ATP8B2: variants seen among roughly 807,000 people sequenced by gnomAD.
ATP8B2 encodes the protein phospholipid-transporting ATPase ID.
A neutral mutation model predicts 133.4 loss-of-function variants in ATP8B2; 70 were observed. The observed-to-expected ratio is 0.52, with a 90% CI of 0.43 to 0.64. The LOEUF (loss-of-function observed/expected upper bound fraction) is 0.64. Ranked by LOEUF, ATP8B2 falls within the 30% of genes least tolerant of loss-of-function variation. ATP8B2 has a pLI of 0.00. For synonymous variants in ATP8B2, 517 were observed against 589.5 expected (o/e 0.88, Z 1.78); for missense variants, 1,101 against 1,535.7 (o/e 0.72, Z 4.73).
In ATP8B2 at chr1:154,334,134, A is replaced by G; in HGVS notation, c.617A>G (p.Asn206Ser). The G allele has an allele frequency of 6.2e-7, 1 of 1,614,200 alleles. No individual in the cohort carries two copies. The highest frequency in any genetic ancestry group is 8.5e-7 in the Non-Finnish European group (1 of 1,180,046). The change falls in exon 10 of 28, where the codon AAC becomes AGC. Residue 206 changes from asparagine to serine, a missense_variant. Coordinates refer to ENST00000368489, the MANE Select transcript of ATP8B2 (RefSeq NM_001370597.1). The surrounding 1 kb of genome is among the most constrained non-coding windows in gnomAD (Gnocchi z 4.6). Reference sequence around the variant, plus strand: ...GAAGTGATCTGTGAACCTCCCAACAACAAACTGGACAAATTCAGCGGAACC... The same window carrying G: ...GAAGTGATCTGTGAACCTCCCAACAGCAAACTGGACAAATTCAGCGGAACC... ...DGEVICEPPNNKLDKFSGTLY... is the reference protein window; with the variant it reads ...DGEVICEPPNSKLDKFSGTLY...
At position 154,344,735 on chromosome 1, in the gene ATP8B2, C is replaced by G. The variant is rs1200083098; in HGVS notation, c.2236C>G (p.Leu746Val). The G allele has an allele frequency of 6.2e-7, 1 of 1,610,562 alleles. No individual in the cohort carries two copies. Among genetic ancestry groups the G allele is most frequent in the Non-Finnish European group, 8.5e-7 (1 of 1,176,990 alleles). ...KLSSSKLTSVLEAVAGEYALV... is the reference protein window; with the variant it reads ...KLSSSKLTSVVEAVAGEYALV... ...TTCTTCTTCCAAGCTAACTTCTGTC[C>G]TGGAGGCCGTTGCTGGGGAGTACGC... Residue 746 changes from leucine to valine, a missense_variant, in exon 21 of 28, where the codon CTG (leucine) becomes GTG (valine). Physicochemically the swap from Leu to Val is conservative, Grantham distance 32. Transcript: ENST00000368489. The surrounding 1 kb of genome is among the most constrained non-coding windows in gnomAD (Gnocchi z 4.1).
chr1:154,344,227 A>G lies in ATP8B2; in HGVS notation c.2008A>G (p.Ile670Val). Reference sequence around the variant, plus strand: ...CCTCCTGACACTGGCCAACATCAAGATTTGGGTGCTAACCGGAGACAAGCA... The same window carrying G: ...CCTCCTGACACTGGCCAACATCAAGGTTTGGGTGCTAACCGGAGACAAGCA... ...IALLTLANIK[I>V]WVLTGDKQET... Residue 670 changes from isoleucine to valine, a missense_variant, in exon 19 of 28, where the codon ATT (isoleucine) becomes GTT (valine). Coordinates refer to ENST00000368489, the MANE Select transcript of ATP8B2 (RefSeq NM_001370597.1). This position sits in a 1 kb window ranked among gnomAD's most constrained non-coding sequence, Gnocchi z 4.1. The G allele has an allele frequency of 1.2e-6, 2 of 1,614,158 alleles. No individual in the cohort carries two copies. Among genetic ancestry groups the G allele is most frequent in the African/African-American group, 2.7e-5 (2 of 75,028 alleles).
chr1:154,330,923 C>T lies in ATP8B2; in HGVS notation c.199C>T (p.Leu67=). Reference sequence around the variant, plus strand: ...CACTTACTTCCTGTTCCTCCTCATTCTGCAGGTAGGTGACCCATAGTAGAT... The same window carrying T: ...CACTTACTTCCTGTTCCTCCTCATTTTGCAGGTAGGTGACCCATAGTAGAT... The part of the protein sequence containing the change: ...ANTYFLFLLI[L]QLIPQISSLS... The change falls in exon 4 of 28, where the codon CTG becomes TTG. Residue 67 remains leucine, a synonymous_variant. Coordinates refer to ENST00000368489, the MANE Select transcript of ATP8B2 (RefSeq NM_001370597.1). 1 of 1,613,278 alleles carries T rather than the reference C, an allele frequency of 6.2e-7. No homozygotes were observed. Among genetic ancestry groups the T allele is most frequent in the Non-Finnish European group, 8.5e-7 (1 of 1,179,222 alleles).
chr1:154,337,501 A>G lies in ATP8B2; in HGVS notation c.991A>G (p.Ile331Val), dbSNP rs372156866. 6 of 1,614,024 alleles carry G rather than the reference A, an allele frequency of 3.7e-6. No individual in the cohort carries two copies. The African/African-American group carries it at 8.0e-5, about 22-fold the overall frequency. The stretch of plus-strand genomic sequence containing the variant: ...TGGCTTCCTCTCCTTCTGGTCCTAC[A>G]TCATCATCCTCAACACCGTTGTGCC... Reference protein sequence around the residue: ...FSGFLSFWSYIIILNTVVPIS... With the variant: ...FSGFLSFWSYVIILNTVVPIS... Residue 331 changes from isoleucine (I) to valine (V), a missense_variant, in exon 12 of 28, where the codon ATC becomes GTC. Ile to Val is a conservative substitution (Grantham distance 29, BLOSUM62 3). Coordinates refer to ENST00000368489, the MANE Select transcript of ATP8B2 (RefSeq NM_001370597.1).
Position 154,346,418 on chromosome 1 carries a change from A to T in ATP8B2, c.2966A>T (p.Asp989Val). The change falls in exon 25 of 28, where the codon GAC (aspartate) becomes GTC (valine). Residue 989 changes from aspartate (D) to valine (V), a missense_variant. Asp to Val is a radical substitution (Grantham distance 152, BLOSUM62 -3). Coordinates refer to ENST00000368489, the MANE Select transcript of ATP8B2 (RefSeq NM_001370597.1). This position sits in a 1 kb window ranked among gnomAD's most constrained non-coding sequence, Gnocchi z 4.5. ...ATRDDGTQLA[D>V]YQSFAVTVAT... ...CGGGATGATGGCACTCAGCTGGCTG[A>T]CTACCAGTCCTTTGCAGTCACTGTG... 1 of 1,614,142 alleles carries T rather than the reference A, an allele frequency of 6.2e-7. No homozygotes were observed. The highest frequency in any genetic ancestry group is 8.5e-7 in the Non-Finnish European group (1 of 1,180,022).
In ATP8B2 at chr1:154,344,130, G is replaced by C; in HGVS notation, c.1924-13G>C. On this transcript the variant is annotated splice_polypyrimidine_tract_variant and intron_variant, in intron 18 of 27. Transcript: ENST00000368489. The surrounding 1 kb of genome is among the most constrained non-coding windows in gnomAD (Gnocchi z 4.1). ...TGCAATTCTTGTGCCAGGAATCCTTGTGGTATTTTCAGCTGCTGGGTGCAA... is the reference window on the plus strand; with the variant it reads ...TGCAATTCTTGTGCCAGGAATCCTTCTGGTATTTTCAGCTGCTGGGTGCAA... 1 of 1,614,232 alleles carries C rather than the reference G, an allele frequency of 6.2e-7. No individual in the cohort carries two copies. Among genetic ancestry groups the C allele is most frequent in the Non-Finnish European group, 8.5e-7 (1 of 1,180,042 alleles).
Position 154,331,763 on chromosome 1 carries a change from C to T in ATP8B2, c.438+85C>T. 2.7e-6 allele frequency: 4 copies of T among 1,454,598 alleles called. No individual in the cohort carries two copies. The highest frequency in any genetic ancestry group is 1.1e-5 in the South Asian group (1 of 87,752). The allele number at this position is 1,454,598 out of a possible 1,614,324, so 90.1% of individuals were successfully genotyped here. A position where few individuals can be genotyped will look rare whatever the true frequency, so the allele number is the denominator to read the frequency against. On this transcript the variant is annotated intron_variant, in intron 7 of 27. Transcript: ENST00000368489. This position sits in a 1 kb window ranked among gnomAD's most constrained non-coding sequence, Gnocchi z 4.8. Reference sequence around the variant, plus strand: ...ATGAATCTTTCCTGATTTACTGTTGCCTCTTAAACACCCGTGGCAGGAATC... The same window carrying T: ...ATGAATCTTTCCTGATTTACTGTTGTCTCTTAAACACCCGTGGCAGGAATC...
Position 154,345,868 on chromosome 1 carries a change from G to T in ATP8B2, c.2763G>T (p.Met921Ile). ...ACACCTCCCTGCCAGTCCTGGCTAT[G>T]GGGGTCTTTGATCAGGTATGGGGGA... ...IVYTSLPVLAMGVFDQDVPEQ... is the reference protein window; with the variant it reads ...IVYTSLPVLAIGVFDQDVPEQ... Residue 921 changes from methionine (M) to isoleucine (I), a missense_variant, in exon 24 of 28, where the codon ATG becomes ATT. Coordinates refer to ENST00000368489, the MANE Select transcript of ATP8B2 (RefSeq NM_001370597.1). The surrounding 1 kb of genome is among the most constrained non-coding windows in gnomAD (Gnocchi z 5.6). The T allele has an allele frequency of 6.2e-7, 1 of 1,612,128 alleles. No homozygotes were observed. Among genetic ancestry groups the T allele is most frequent in the Non-Finnish European group, 8.5e-7 (1 of 1,178,198 alleles).
chr1:154,337,306 T>G (rs1167178155), intron 11 of ATP8B2, 42 bp from the exon 12 acceptor site: 1 of 1,579,526 alleles, frequency 6.3e-7, no homozygotes, highest in Admixed American at 1.8e-5. Context: ...TTTGAGGGCT[T>G]CCTACATGTC....
intron 1 of ATP8B2, among the ~76,000 whole-genome samples, chr1:154,326,452 G>T (rs1416359446): frequency 6.6e-6 from 1 of 152,114 alleles, no homozygotes; most frequent in Admixed American, 6.5e-5. Flanking sequence ...CCGAGAGGGG[G>T]CTGGGGCTGG....
At position 154,346,204 on chromosome 1, in the gene ATP8B2, C is replaced by A. The variant is rs371418628; in HGVS notation, c.2779-27C>A. ...GTCAAAACGGCAACCTCTGAGGCCC[C>A]CTATGCTACATGGTCCTCCCACACA... On this transcript the variant is annotated intron_variant, in intron 24 of 27. Transcript: ENST00000368489. This position sits in a 1 kb window ranked among gnomAD's most constrained non-coding sequence, Gnocchi z 4.5. The A allele has an allele frequency of 6.2e-7, 1 of 1,608,710 alleles. No homozygotes were observed. The highest frequency in any genetic ancestry group is 1.1e-5 in the South Asian group (1 of 90,554).
rs776972025 is a variant in ATP8B2, at chr1:154,344,156, C to T, written c.1937C>T (p.Thr646Met). The T allele has an allele frequency of 1.9e-5, 31 of 1,614,116 alleles. No individual in the cohort carries two copies. The highest frequency in any genetic ancestry group is 6.7e-5 in the East Asian group (3 of 44,904). ...TGGTATTTTCAGCTGCTGGGTGCAA[C>T]GGCCATTGAGGACAAACTTCAGCAA... ...VENNMMLLGA[T>M]AIEDKLQQGV... Residue 646 changes from threonine to methionine, a missense_variant, in exon 19 of 28, where the codon ACG (threonine) becomes ATG (methionine). Transcript: ENST00000368489. This position sits in a 1 kb window ranked among gnomAD's most constrained non-coding sequence, Gnocchi z 4.1.
Position 154,345,631 on chromosome 1 carries a change from G to A in ATP8B2, c.2694+86G>A. On this transcript the variant is annotated intron_variant, in intron 23 of 27. Transcript: ENST00000368489. The surrounding 1 kb of genome is among the most constrained non-coding windows in gnomAD (Gnocchi z 5.6). ...TCTTGTTTATCACTCAGTCCCCCAG[G>A]GCCTAGCTATTTTCTGGTACATACT... 2 of 1,376,516 alleles carry A rather than the reference G, an allele frequency of 1.5e-6. No homozygotes were observed. The highest frequency in any genetic ancestry group is 2.9e-5 in the African/African-American group (2 of 68,976). 85.3% of individuals were successfully genotyped at this position (1,376,516 alleles called of 1,614,324 possible).
Position 154,328,911 on chromosome 1 carries a change from C to T in ATP8B2, c.31+739C>T. 3.1e-6 allele frequency: 4 copies of T among 1,282,404 alleles called. No homozygotes were observed. In the South Asian group the frequency reaches 5.0e-5, roughly 16 times the overall value. 79.4% of individuals were successfully genotyped at this position (1,282,404 alleles called of 1,614,324 possible). ...GAGCGGCTGCGGCTCCTGCACCTCC[C>T]CGGGGAGCCGCCCCGTCGATGCCAC... On this transcript the variant is annotated intron_variant, in intron 2 of 27. Transcript: ENST00000368489. The surrounding 1 kb of genome is among the most constrained non-coding windows in gnomAD (Gnocchi z 4.6).
rs1232602003 is a variant in ATP8B2, at chr1:154,345,091, A to C, written c.2407A>C (p.Lys803Gln). 1.9e-6 allele frequency: 3 copies of C among 1,614,210 alleles called. No homozygotes were observed. The East Asian group carries it at 6.7e-5, about 36-fold the overall frequency. ...GGCACAGGTGGTAGAACTGGTCAAG[A>C]AGTACAAGAAGGCTGTGACGCTTGC... ...QKAQVVELVK[K>Q]YKKAVTLAIG... Residue 803 changes from lysine to glutamine, a missense_variant, in exon 22 of 28, where the codon AAG becomes CAG. Coordinates refer to ENST00000368489, the MANE Select transcript of ATP8B2 (RefSeq NM_001370597.1). The surrounding 1 kb of genome is among the most constrained non-coding windows in gnomAD (Gnocchi z 5.6).
At chr1:154,338,443 C>T (rs1425088544) in intron 12 of ATP8B2, among the ~76,000 whole-genome samples, 1 of 152,126 alleles carries the variant, frequency 6.6e-6, no homozygotes, top group African/African-American at 2.4e-5. Context: ...GGGCGGATAA[C>T]GAGGTCAGGA....
rs1022973237 is a variant in ATP8B2, at chr1:154,346,628, C to T, written c.3033C>T (p.Leu1011=). The T allele has an allele frequency of 6.2e-6, 10 of 1,614,132 alleles. No homozygotes were observed. The highest frequency in any genetic ancestry group is 5.0e-5 in the Admixed American group (3 of 60,014). ...ATGCCTACTTTCTGCAGATTGGGCT[C>T]GACACAGGCTACTGGACGGCCATCA... ...LVIVVSVQIG[L]DTGYWTAINH... Residue 1011 remains leucine, a synonymous_variant, in exon 26 of 28, where the codon CTC becomes CTT. Transcript: ENST00000368489. The surrounding 1 kb of genome is among the most constrained non-coding windows in gnomAD (Gnocchi z 4.5).
chr1:154,344,627 T>C lies in ATP8B2; in HGVS notation c.2142-14T>C, dbSNP rs774927548. On this transcript the variant is annotated splice_polypyrimidine_tract_variant and intron_variant, in intron 20 of 27. Transcript: ENST00000368489. The surrounding 1 kb of genome is among the most constrained non-coding windows in gnomAD (Gnocchi z 4.1). ...TTCTGGAAGACCACAACCGTATCAT[T>C]TCCACCTCGACAGGAAAGCCCGGGA... 1 of 1,606,594 alleles carries C rather than the reference T, an allele frequency of 6.2e-7. No homozygotes were observed. Among genetic ancestry groups the C allele is most frequent in the South Asian group, 1.1e-5 (1 of 90,974 alleles).
In ATP8B2 at chr1:154,342,979, C is replaced by A; in HGVS notation, c.1453+18C>A. On this transcript the variant is annotated intron_variant, in intron 15 of 27. Transcript: ENST00000368489. ...GAACGAAGGTGGGCCGAGGAGCCGG[C>A]TCGCACTCTCCTGACCTGACTCTGC... The A allele has an allele frequency of 6.2e-7, 1 of 1,612,796 alleles. No individual in the cohort carries two copies. Among genetic ancestry groups the A allele is most frequent in the South Asian group, 1.1e-5 (1 of 90,970 alleles).
Sources: allele counts gnomAD v4.1 joint callset (sites outside exome capture counted in the v4.1 genomes callset), GRCh38; gene constraint gnomAD v4.1.1; non-coding constraint Gnocchi (gnomAD v3.1); transcripts MANE v1.5; gene names NCBI Gene and HGNC (gene_info 2026-07-23, HGNC 2026-07-21).